RBMS3: variants seen among roughly 807,000 people sequenced by gnomAD.
RBMS3 encodes RNA binding motif single stranded interacting protein 3, also known as RNA-binding motif, single-stranded-interacting protein 3.
In RBMS3, 27 loss-of-function variants were observed where a neutral mutation model predicts 66.8. The ratio of observed to expected loss-of-function variants is 0.40; its 90% CI spans 0.30 to 0.56. The LOEUF is 0.56. Among genes scored for constraint, RBMS3 ranks in the 20% least tolerant of loss-of-function variants. RBMS3 has a pLI of 0.40. For missense variants in RBMS3, 513 were observed against 549.5 expected (o/e 0.93, Z 0.66); for synonymous variants, 188 against 183.0 (o/e 1.03, Z -0.22).
At chr3:29,672,112 A>G (rs1481446306) in intron 4 of RBMS3, among the ~76,000 whole-genome samples, 3 of 152,100 alleles carry the variant, frequency 2.0e-5, no homozygotes, top group East Asian at 1.9e-4. Flanking sequence ...ATAAGCCAGA[A>G]GAGAGTGGGG....
intron 4 of RBMS3, among the ~76,000 whole-genome samples, chr3:29,661,807 T>G (rs2050563679): frequency 6.6e-6 from 1 of 152,206 alleles, no homozygotes; most frequent in Non-Finnish European, 1.5e-5. Context: ...AGGGTTGCCC[T>G]TCATTCTCCT....
chr3:29,647,258 C>T (rs989065224), intron 4 of RBMS3, among the ~76,000 whole-genome samples: 3 of 152,282 alleles, frequency 2.0e-5, no homozygotes, highest in South Asian at 2.1e-4. Context: ...GGATTACAGA[C>T]GTGAGCCACC....
chr3:29,664,224 G>A (rs1034733277), intron 4 of RBMS3, among the ~76,000 whole-genome samples: 13 of 152,066 alleles, frequency 8.5e-5, no homozygotes, highest in African/African-American at 1.2e-4. Context: ...GCACGGCGAC[G>A]CATGCTTGTA....
At chr3:29,918,624 G>C (rs920647857) in intron 10 of RBMS3, among the ~76,000 whole-genome samples, 8 of 151,880 alleles carry the variant, frequency 5.3e-5, no homozygotes, top group Non-Finnish European at 7.4e-5. Flanking sequence ...AAATATTGTA[G>C]CGCTATTTCA....
chr3:29,867,055 T>C (rs2149546931), intron 6 of RBMS3, among the ~76,000 whole-genome samples: 1 of 152,282 alleles, frequency 6.6e-6, no homozygotes, highest in East Asian at 1.9e-4. Flanking sequence ...CTGCTAATAG[T>C]GAGCTAAAAG....
chr3:29,728,895 T>C (rs2054001570), intron 4 of RBMS3, among the ~76,000 whole-genome samples: 2 of 152,100 alleles, frequency 1.3e-5, no homozygotes, highest in South Asian at 4.1e-4. Flanking sequence ...CATTGGACAA[T>C]TTAGGAATAA....
At chr3:29,750,074 A>C (rs993036495) in intron 5 of RBMS3, among the ~76,000 whole-genome samples, 1 of 152,200 alleles carries the variant, frequency 6.6e-6, no homozygotes, top group Non-Finnish European at 1.5e-5. Context: ...GTAATGTTGC[A>C]AACAAAAAAG....
At chr3:29,935,176 C>T (rs1446178913) in intron 10 of RBMS3, among the ~76,000 whole-genome samples, 1 of 151,962 alleles carries the variant, frequency 6.6e-6, no homozygotes, top group East Asian at 1.9e-4. Context: ...ATTTTTCCTT[C>T]TCCAAGTTAA....
chr3:29,743,351 T>C (rs1213488156), intron 5 of RBMS3, among the ~76,000 whole-genome samples: 5 of 152,232 alleles, frequency 3.3e-5, no homozygotes, highest in Non-Finnish European at 7.3e-5. Flanking sequence ...CAGTCACCAT[T>C]TTCTTGATTC....
Position 29,358,418 on chromosome 3 carries a change from T to G in RBMS3, c.76-76325T>G, listed in dbSNP as rs142355041. 1.3e-3 allele frequency among the ~76,000 whole-genome samples: 205 copies of G among 152,336 alleles called. 3 individuals carry two copies. In the East Asian group the frequency reaches 0.032, roughly 24 times the overall value. ...CCATTGGTCTGTATCTCTGTTTTGG[T>G]ACCAGTACCATGCTGTTTTGGTTAC... On this transcript the variant is annotated intron_variant, in intron 1 of 14. Coordinates refer to ENST00000383767, the MANE Select transcript of RBMS3 (RefSeq NM_001003793.3).
intron 1 of RBMS3, among the ~76,000 whole-genome samples, chr3:29,392,940 T>G (rs2039373198): frequency 6.6e-6 from 1 of 152,038 alleles, no homozygotes; most frequent in Non-Finnish European, 1.5e-5. Context: ...ACTTATCTTC[T>G]CCCTGTTACA....
chr3:29,550,480 A>G (rs1332746221), intron 3 of RBMS3, among the ~76,000 whole-genome samples: 1 of 152,122 alleles, frequency 6.6e-6, no homozygotes, highest in Non-Finnish European at 1.5e-5. Context: ...ATTTAGTGTA[A>G]TAATAGTATA....
Position 29,564,209 on chromosome 3 carries a change from G to A in RBMS3, c.308-22905G>A, listed in dbSNP as rs540905220. 3.3e-5 allele frequency among the ~76,000 whole-genome samples: 5 copies of A among 152,086 alleles called. No homozygotes were observed. The South Asian group carries it at 1.0e-3, about 32-fold the overall frequency. On this transcript the variant is annotated intron_variant, in intron 3 of 14. Coordinates refer to ENST00000383767, the MANE Select transcript of RBMS3 (RefSeq NM_001003793.3). ...AATTTTTTTTAGGCCAGGAGCAGGG[G>A]CTCATGCCTGTAATCCCAGCACTTT...
chr3:29,477,241 A>G (rs897864972), intron 2 of RBMS3, among the ~76,000 whole-genome samples: 5 of 152,214 alleles, frequency 3.3e-5, no homozygotes, highest in Non-Finnish European at 5.9e-5. Context: ...TGTGCTCAAT[A>G]TAATGTATAA....
intron 14 of RBMS3, among the ~76,000 whole-genome samples, chr3:29,992,358 G>A (rs1009616619): frequency 2.0e-5 from 3 of 152,208 alleles, no homozygotes; most frequent in South Asian, 2.1e-4. Context: ...AGGCCGAGGC[G>A]GGCGGATCAC....
At chr3:29,989,857 T>G (rs1698711601) in intron 13 of RBMS3, among the ~76,000 whole-genome samples, 2 of 152,224 alleles carry the variant, frequency 1.3e-5, no homozygotes, top group African/African-American at 2.4e-5. Context: ...AATCTGGACA[T>G]TCTAGGCAGT....
At chr3:29,677,807 T>C (rs1471013701) in intron 4 of RBMS3, among the ~76,000 whole-genome samples, 1 of 152,158 alleles carries the variant, frequency 6.6e-6, no homozygotes, top group Non-Finnish European at 1.5e-5. Flanking sequence ...TAATAAGAGT[T>C]GTTACACTCT....
chr3:29,696,170 A>G (rs180875280), intron 4 of RBMS3, among the ~76,000 whole-genome samples: 111 of 152,284 alleles, frequency 7.3e-4, no homozygotes, highest in African/African-American at 2.5e-3. Flanking sequence ...AATTCAAGCA[A>G]TCCTGGCTTC....
chr3:29,281,648 A>T lies in RBMS3; in HGVS notation c.-34A>T, dbSNP rs752236715. 23 of 1,585,458 alleles carry T rather than the reference A, an allele frequency of 1.5e-5. No homozygotes were observed. The South Asian group carries it at 2.5e-4, about 18-fold the overall frequency. ...CCTGGGGCACTATACCCTGTCATCCAGTTCCCTGCCTCGGAGATAAAGATT... is the reference window on the plus strand; with the variant it reads ...CCTGGGGCACTATACCCTGTCATCCTGTTCCCTGCCTCGGAGATAAAGATT... On this transcript the variant is annotated 5_prime_UTR_variant, in exon 1 of 15. Transcript: ENST00000383767.
Sources: allele counts gnomAD v4.1 joint callset (sites outside exome capture counted in the v4.1 genomes callset), GRCh38; gene constraint gnomAD v4.1.1; transcripts MANE v1.5; gene names NCBI Gene and HGNC (gene_info 2026-07-23, HGNC 2026-07-21).